ADCY8: variants seen among roughly 807,000 people sequenced by gnomAD.
ADCY8 encodes adenylate cyclase 8, also known as adenylate cyclase type 8.
ADCY8 carries 51 observed loss-of-function variants against 119.7 expected under a neutral mutation model. That is an observed-to-expected ratio of 0.43 (90% CI 0.34 to 0.54). The LOEUF is 0.54. Ranked by LOEUF, ADCY8 falls within the 20% of genes least tolerant of loss-of-function variation. The pLI, the probability that ADCY8 is intolerant of heterozygous loss-of-function variation, is 0.03. For missense variants in ADCY8, 1,383 were observed against 1,598.8 expected (o/e 0.87, Z 2.30); for synonymous variants, 665 against 651.0 (o/e 1.02, Z -0.33).
At chr8:130,910,164 A>G (rs1026423027) in intron 5 of ADCY8, among the ~76,000 whole-genome samples, 3 of 151,954 alleles carry the variant, frequency 2.0e-5, no homozygotes, top group African/African-American at 4.8e-5. Context: ...CACCCCTTCC[A>G]TGAAGCCTTC....
chr8:130,918,187 A>C (rs1820188061), intron 5 of ADCY8, among the ~76,000 whole-genome samples: 2 of 152,166 alleles, frequency 1.3e-5, no homozygotes, highest in Admixed American at 6.5e-5. Flanking sequence ...AAACAAGAGG[A>C]ATGTATTTCT....
intron 7 of ADCY8, among the ~76,000 whole-genome samples, chr8:130,903,106 G>A (rs1819655799): frequency 6.6e-6 from 1 of 151,926 alleles, no homozygotes; most frequent in Non-Finnish European, 1.5e-5. Context: ...ATCTCATTGG[G>A]TTTACTGTGA....
At chr8:130,848,574 C>T (rs188423524) in intron 10 of ADCY8, among the ~76,000 whole-genome samples, 141 of 152,274 alleles carry the variant, frequency 9.3e-4, no homozygotes, top group Non-Finnish European at 1.7e-3. Context: ...TCTAGGGCTC[C>T]AAGTCACAGG....
chr8:130,959,860 C>T (rs967690732), intron 2 of ADCY8, among the ~76,000 whole-genome samples: 4 of 151,908 alleles, frequency 2.6e-5, no homozygotes, highest in South Asian at 2.1e-4. Flanking sequence ...AGTAGAGTGG[C>T]GTGAGGGTAT....
At chr8:130,895,863 C>G (rs140234084) in intron 7 of ADCY8, among the ~76,000 whole-genome samples, 1 of 152,230 alleles carries the variant, frequency 6.6e-6, no homozygotes, top group East Asian at 1.9e-4. Context: ...ATTAGATGTC[C>G]TGTAACTTAT....
Position 130,953,878 on chromosome 8 carries a change from G to A in ADCY8, c.1111-1880C>T, listed in dbSNP as rs183405055. ...CTTCTCTTGAGTGCTATCCCATCAC[G>A]GGACTAAGAGGCATGCTTTCTGCAA... On this transcript the variant is annotated intron_variant, in intron 2 of 17. Coordinates refer to ENST00000286355, the MANE Select transcript of ADCY8 (RefSeq NM_001115.3). Among the ~76,000 whole-genome samples, 20 of 152,244 alleles carry A rather than the reference G, an allele frequency of 1.3e-4. 1 individual carries two copies. The highest frequency in any genetic ancestry group is 4.1e-4 in the African/African-American group (17 of 41,548).
At chr8:130,833,534 A>G (rs1212491009) in intron 12 of ADCY8, among the ~76,000 whole-genome samples, 1 of 152,188 alleles carries the variant, frequency 6.6e-6, no homozygotes, top group Non-Finnish European at 1.5e-5. Context: ...TAGCATTAAA[A>G]CAGAAGGAAA....
intron 1 of ADCY8, among the ~76,000 whole-genome samples, chr8:131,032,102 T>C (rs1481878728): frequency 6.6e-6 from 1 of 152,244 alleles, no homozygotes; most frequent in African/African-American, 2.4e-5. Flanking sequence ...TATAGTTTTT[T>C]GTTTTTATGT....
intron 1 of ADCY8, among the ~76,000 whole-genome samples, chr8:131,032,620 T>C (rs1349492495): frequency 6.6e-6 from 1 of 152,132 alleles, no homozygotes; most frequent in Non-Finnish European, 1.5e-5. Flanking sequence ...GGCATCTCCA[T>C]AGTTAATTAA....
intron 1 of ADCY8, among the ~76,000 whole-genome samples, chr8:130,991,177 C>T (rs1230368601): frequency 6.6e-6 from 1 of 152,160 alleles, no homozygotes; most frequent in Non-Finnish European, 1.5e-5. Flanking sequence ...AACTACTGTT[C>T]AGTCAAGAAA....
chr8:131,001,629 A>ATT (rs1822951733), intron 1 of ADCY8, among the ~76,000 whole-genome samples: 1 of 148,452 alleles, frequency 6.7e-6, no homozygotes, highest in Non-Finnish European at 1.5e-5. Context: ...ATATATATAC[A>ATT]TTATATATAT....
intron 5 of ADCY8, among the ~76,000 whole-genome samples, chr8:130,929,487 G>T (rs779195692): frequency 7.9e-5 from 12 of 152,094 alleles, no homozygotes; most frequent in African/African-American, 9.7e-5. Flanking sequence ...TACCCTTGTG[G>T]TCAGAAAATA....
At chr8:130,908,096 G>A (rs1405326455) in intron 6 of ADCY8, among the ~76,000 whole-genome samples, 5 of 152,162 alleles carry the variant, frequency 3.3e-5, no homozygotes, top group African/African-American at 9.7e-5. Context: ...TGGCTTTGTA[G>A]TATTGCATGG....
intron 11 of ADCY8, among the ~76,000 whole-genome samples, chr8:130,838,807 C>T (rs987473584): frequency 2.1e-5 from 3 of 141,072 alleles, no homozygotes; most frequent in Non-Finnish European, 4.8e-5. Context: ...TAAAGGAAGT[C>T]GTGGTCTAAA....
Position 130,795,962 on chromosome 8 carries a change from A to G in ADCY8, c.3060+4464T>C, listed in dbSNP as rs181487776. On this transcript the variant is annotated intron_variant, in intron 15 of 17. Coordinates refer to ENST00000286355, the MANE Select transcript of ADCY8 (RefSeq NM_001115.3). ...TGGATCATGACTGATCTTTGCTTTC[A>G]GACACTAATCAAACATATTTGGTGT... is the stretch of plus-strand genomic sequence containing the variant. Among the ~76,000 whole-genome samples the G allele has an allele frequency of 9.2e-5, 14 of 152,306 alleles. No homozygotes were observed. The East Asian group carries it at 2.7e-3, about 29-fold the overall frequency.
At chr8:130,994,137 T>G (rs1007799774) in intron 1 of ADCY8, among the ~76,000 whole-genome samples, 1 of 152,360 alleles carries the variant, frequency 6.6e-6, no homozygotes, top group Admixed American at 6.5e-5. Flanking sequence ...CTAATTAAGA[T>G]GTCAATGATA....
intron 5 of ADCY8, among the ~76,000 whole-genome samples, chr8:130,910,301 C>A (rs1819941739): frequency 6.6e-6 from 1 of 152,200 alleles, no homozygotes; most frequent in Non-Finnish European, 1.5e-5. Context: ...ATGGCACCAG[C>A]ATCTTTTTCT....
At position 130,990,464 on chromosome 8, in the gene ADCY8, G is replaced by A. The variant is rs1310704437; in HGVS notation, c.1039C>T (p.Arg347Cys). The change falls in exon 2 of 18, where the codon CGC becomes TGC. Residue 347 changes from arginine to cysteine, a missense_variant. This residue lies in a region of ADCY8 where 928 missense variants were observed against 1,163.5 expected (regional missense o/e 0.80). Transcript: ENST00000286355. ...FISYLSDRAQRQAFLETRRCV... is the reference protein window; with the variant it reads ...FISYLSDRAQCQAFLETRRCV... ...CTCCGAGTCTCCAGGAAAGCTTGGC[G>A]CTGGGCCCGGTCTGACAGGTAACTG... 4 of 1,614,180 alleles carry A rather than the reference G, an allele frequency of 2.5e-6. No homozygotes were observed. Among genetic ancestry groups the A allele is most frequent in the Non-Finnish European group, 3.4e-6 (4 of 1,180,016 alleles).
At chr8:130,810,370 ACAC>A (rs1816125698) in intron 14 of ADCY8, among the ~76,000 whole-genome samples, 1 of 151,578 alleles carries the variant, frequency 6.6e-6, no homozygotes, top group Non-Finnish European at 1.5e-5. Flanking sequence ...ACACACACAC[ACAC>A]ACACACACAC....
Sources: allele counts gnomAD v4.1 joint callset (sites outside exome capture counted in the v4.1 genomes callset), GRCh38; gene constraint gnomAD v4.1.1; regional missense constraint gnomAD v4.1.1; transcripts MANE v1.5; gene names NCBI Gene and HGNC (gene_info 2026-07-23, HGNC 2026-07-21).